The following SLC44A5 variants were observed in gnomAD, a reference collection of about 807,000 sequenced individuals.
SLC44A5 encodes choline transporter-like protein 5.
A neutral mutation model predicts 101.8 loss-of-function variants in SLC44A5; 57 were observed. That is an observed-to-expected ratio of 0.56 (90% CI 0.45 to 0.70). SLC44A5 has a LOEUF of 0.70. Ranked by LOEUF, SLC44A5 falls within the 30% of genes least tolerant of loss-of-function variation. The pLI is 0.00. For synonymous variants in SLC44A5, 281 were observed against 290.9 expected (o/e 0.97, Z 0.35); for missense variants, 737 against 853.1 (o/e 0.86, Z 1.70).
the SLC44A5 span, among the ~76,000 whole-genome samples, chr1:75,720,773 G>A: frequency 1.3e-5 from 2 of 151,934 alleles, no homozygotes; most frequent in African/African-American, 4.8e-5. Context: ...ATATATTTTA[G>A]GGAAATATGA....
At chr1:75,263,084 G>A (rs11803861) in intron 6 of SLC44A5, among the ~76,000 whole-genome samples, 2,357 of 152,220 alleles carry the variant, frequency 0.015, 66 homozygotes, top group African/African-American at 0.054. Context: ...AGGACTTCAT[G>A]ACTAAAACAT....
intron 7 of SLC44A5, among the ~76,000 whole-genome samples, chr1:75,247,345 A>G (rs1649195236): frequency 6.6e-6 from 1 of 152,076 alleles, no homozygotes; most frequent in Non-Finnish European, 1.5e-5. Flanking sequence ...GTGGGGAACA[A>G]TTTTAGGGAT....
At chr1:75,331,386 C>T (rs927236624) in intron 4 of SLC44A5, among the ~76,000 whole-genome samples, 1 of 152,148 alleles carries the variant, frequency 6.6e-6, no homozygotes, top group Non-Finnish European at 1.5e-5. Flanking sequence ...TTACTCTTGA[C>T]TCATTTTTTC....
intron 1 of SLC44A5, among the ~76,000 whole-genome samples, chr1:75,547,634 T>A (rs1454136098): frequency 6.6e-6 from 1 of 152,190 alleles, no homozygotes; most frequent in Non-Finnish European, 1.5e-5. Flanking sequence ...AACAATAACA[T>A]CTACTTATCA....
intron 2 of SLC44A5, among the ~76,000 whole-genome samples, chr1:75,451,897 A>C (rs1665930146): frequency 6.6e-6 from 1 of 152,180 alleles, no homozygotes; most frequent in Admixed American, 6.5e-5. Context: ...TTCCAGAAAG[A>C]AGGAGAAAAA....
chr1:75,628,177 A>G, the SLC44A5 span, among the ~76,000 whole-genome samples: 3 of 152,046 alleles, frequency 2.0e-5, no homozygotes, highest in African/African-American at 4.8e-5. Flanking sequence ...ACTTTAGGAT[A>G]TGAAAGAAGT....
rs375053407 is a variant in SLC44A5, at chr1:75,300,598, C to T, written c.175+14G>A. ...AGCAAGTGTTAAATATTTTCTATACCTGTATTTACTCACCCACAAGTCCTA... is the reference window on the plus strand; with the variant it reads ...AGCAAGTGTTAAATATTTTCTATACTTGTATTTACTCACCCACAAGTCCTA... On this transcript the variant is annotated intron_variant, in intron 5 of 23. Coordinates refer to ENST00000370859, the MANE Select transcript of SLC44A5 (RefSeq NM_001130058.2). 8 of 1,550,088 alleles carry T rather than the reference C, an allele frequency of 5.2e-6. No individual in the cohort carries two copies. Among genetic ancestry groups the T allele is most frequent in the African/African-American group, 4.1e-5 (3 of 72,922 alleles).
At chr1:75,681,894 A>G in the SLC44A5 span, among the ~76,000 whole-genome samples, 10 of 152,240 alleles carry the variant, frequency 6.6e-5, no homozygotes, top group African/African-American at 2.2e-4. Flanking sequence ...TAAGCTGATA[A>G]GCAACTTCAG....
chr1:75,541,565 T>A, intron 1 of SLC44A5, 49 bp from the exon 2 acceptor site: 1 of 1,316,986 alleles, frequency 7.6e-7, no homozygotes, highest in South Asian at 1.4e-5. Context: ...AAATTATTTT[T>A]ACTCATTAAC....
At chr1:75,700,717 G>A in the SLC44A5 span, among the ~76,000 whole-genome samples, 21 of 151,986 alleles carry the variant, frequency 1.4e-4, no homozygotes, top group Non-Finnish European at 1.8e-4. Context: ...TGAATCCAGA[G>A]GCTGGTTTTT....
chr1:75,203,900 G>C, intron 23 of SLC44A5, 67 bp from the exon 24 acceptor site: 1 of 1,466,742 alleles, frequency 6.8e-7, no homozygotes, highest in Non-Finnish European at 9.0e-7. Context: ...ACCGCCATCT[G>C]CTGTATACTC....
intron 2 of SLC44A5, among the ~76,000 whole-genome samples, chr1:75,540,155 A>C (rs988992294): frequency 4.6e-5 from 7 of 152,222 alleles, no homozygotes; most frequent in Non-Finnish European, 1.0e-4. Context: ...ATCTGTGAAT[A>C]ATAATGAAAA....
the SLC44A5 span, among the ~76,000 whole-genome samples, chr1:75,677,369 G>A: frequency 6.6e-6 from 1 of 152,108 alleles, no homozygotes. Flanking sequence ...CTCTTTGCTT[G>A]TTTATTAATT....
At chr1:75,630,159 G>A in the SLC44A5 span, among the ~76,000 whole-genome samples, 1 of 152,102 alleles carries the variant, frequency 6.6e-6, no homozygotes, top group African/African-American at 2.4e-5. Flanking sequence ...TACCCGCAGG[G>A]CCCTCTGGGT....
At chr1:75,572,550 A>G (rs1673127611) in intron 1 of SLC44A5, among the ~76,000 whole-genome samples, 1 of 152,182 alleles carries the variant, frequency 6.6e-6, no homozygotes, top group South Asian at 2.1e-4. Context: ...TTATCTTGTC[A>G]TTTTAGAGGG....
At chr1:75,663,748 A>G in the SLC44A5 span, among the ~76,000 whole-genome samples, 1 of 152,324 alleles carries the variant, frequency 6.6e-6, no homozygotes, top group South Asian at 2.1e-4. Flanking sequence ...TACTGAAACT[A>G]TTCTTAAAAA....
intron 2 of SLC44A5, among the ~76,000 whole-genome samples, chr1:75,485,604 C>T (rs1267753786): frequency 6.6e-6 from 1 of 152,188 alleles, no homozygotes; most frequent in African/African-American, 2.4e-5. Context: ...CTGTTCCAAC[C>T]TCTGCCTGCT....
the SLC44A5 span, among the ~76,000 whole-genome samples, chr1:75,721,686 T>C: frequency 6.6e-6 from 1 of 152,172 alleles, no homozygotes; most frequent in Non-Finnish European, 1.5e-5. Context: ...AAATACAAAA[T>C]CTAGAGGTAC....
At chr1:75,644,882 C>T in the SLC44A5 span, among the ~76,000 whole-genome samples, 6,423 of 149,574 alleles carry the variant, frequency 0.043, 282 homozygotes, top group African/African-American at 0.12. Flanking sequence ...TGAGAACATG[C>T]GGTGTTTGGT....
Sources: gnomAD v4.1 joint callset for allele counts (sites outside exome capture counted in the v4.1 genomes callset) on GRCh38, gnomAD v4.1.1 for gene constraint, MANE v1.5 for transcripts, NCBI Gene and HGNC (gene_info 2026-07-23, HGNC 2026-07-21) for gene names.